Variants in DMD observed in about 807,000 individuals in gnomAD.
The protein encoded by DMD is mutant dystrophin.
Under a neutral mutation model 330.1 loss-of-function variants are expected in DMD, and 63 were observed. The ratio of observed to expected loss-of-function variants is 0.19; its 90% CI spans 0.16 to 0.24. The LOEUF (loss-of-function observed/expected upper bound fraction) is 0.24, where lower values mean the gene tolerates loss of function less well. Among genes scored for constraint, DMD ranks in the 10% least tolerant of loss-of-function variants. The pLI, the probability that DMD is intolerant of heterozygous loss-of-function variation, is 1.00. For synonymous variants in DMD, 1,223 were observed against 959.8 expected, an observed-to-expected ratio of 1.27 and a Z score of -5.07; for missense variants, 3,344 against 2,684.1, an observed-to-expected ratio of 1.25 and a Z score of -5.43.
intron 7 of DMD, among the ~76,000 whole-genome samples, chrX:32,784,726 C>G (rs1159896027): frequency 2.7e-5 from 3 of 111,232 alleles, no homozygotes; most frequent in East Asian, 2.8e-4. Flanking sequence ...ATTTAAAATC[C>G]CATATAAGAA....
intron 54 of DMD, among the ~76,000 whole-genome samples, chrX:31,642,084 G>A (rs2079800753): frequency 1.8e-5 from 2 of 111,467 alleles, no homozygotes; most frequent in Non-Finnish European, 3.8e-5. Context: ...AGTTCTTAAT[G>A]TTGAGAAAAA....
At chrX:31,944,641 T>A (rs1210791951) in intron 45 of DMD, among the ~76,000 whole-genome samples, 1 of 104,427 alleles carries the variant, frequency 9.6e-6, no homozygotes, top group Admixed American at 1.0e-4. Context: ...CCACTCCTGT[T>A]TGTTTGTTTT....
At chrX:31,200,192 A>C (rs1216083680) in intron 67 of DMD, among the ~76,000 whole-genome samples, 1 of 111,535 alleles carries the variant, frequency 9.0e-6, no homozygotes, top group Non-Finnish European at 1.9e-5. Flanking sequence ...ACTTCAAACT[A>C]ATTCCTCTTC....
At chrX:32,648,432 T>G (rs913521722) in intron 9 of DMD, among the ~76,000 whole-genome samples, 2 of 112,055 alleles carry the variant, frequency 1.8e-5, no homozygotes, top group African/African-American at 3.2e-5. Context: ...ATCATGTTAG[T>G]AGGTTATGAC....
chrX:32,193,733 TG>T (rs1476807087), intron 44 of DMD, among the ~76,000 whole-genome samples: 1 of 112,020 alleles, frequency 8.9e-6, no homozygotes, highest in Non-Finnish European at 1.9e-5. Flanking sequence ...TAGTCTGTGA[TG>T]GGGTCTTTAA....
Position 31,301,743 on chromosome X carries a change from CTTTTTTTGTTTGTT to C in DMD, c.9224+21841_9224+21854del, listed in dbSNP as rs762921250. Among the ~76,000 whole-genome samples, 173 of 107,617 alleles carry C rather than the reference CTTTTTTTGTTTGTT, an allele frequency of 1.6e-3. 1 individual carries two copies. The highest frequency in any genetic ancestry group is 2.6e-3 in the Non-Finnish European group (134 of 50,686). The allele number at this position is 107,617 out of a possible 115,157, so 93.5% of individuals were successfully genotyped here. On this transcript the variant is annotated intron_variant, in intron 62 of 78. Coordinates refer to ENST00000357033, the MANE Select transcript of DMD (RefSeq NM_004006.3). ...CATCTATGTGTGGTTTTGTTTTGTT[CTTTTTTTGTTTGTT>C]TTTTTTTGTTTGTTTGTTGTTGTTG... is the stretch of plus-strand genomic sequence containing the variant.
At chrX:32,477,969 T>C (rs1349798608) in intron 21 of DMD, among the ~76,000 whole-genome samples, 1 of 111,914 alleles carries the variant, frequency 8.9e-6, no homozygotes, top group East Asian at 2.8e-4. Context: ...ATTTCCACAT[T>C]TTAAAATTTT....
chrX:32,359,724 C>T (rs1490321298), intron 37 of DMD, among the ~76,000 whole-genome samples: 1 of 111,034 alleles, frequency 9.0e-6, no homozygotes, highest in Non-Finnish European at 1.9e-5. Context: ...ATGAACTAAT[C>T]TAATTTAGAA....
At chrX:32,776,979 AAATG>A (rs1016049606) in intron 7 of DMD, among the ~76,000 whole-genome samples, 1 of 111,141 alleles carries the variant, frequency 9.0e-6, no homozygotes, top group Non-Finnish European at 1.9e-5. Context: ...TGCACTGATA[AAATG>A]AATGAAGCTA....
chrX:33,009,140 A>G (rs1348394327), intron 2 of DMD, among the ~76,000 whole-genome samples: 1 of 34,306 alleles, frequency 2.9e-5, no homozygotes, highest in African/African-American at 1.2e-4. Context: ...ATGTATATAT[A>G]TGTGTATATA....
chrX:32,251,178 G>A (rs1329893109), intron 43 of DMD, among the ~76,000 whole-genome samples: 1 of 109,788 alleles, frequency 9.1e-6, no homozygotes, highest in Non-Finnish European at 1.9e-5. Context: ...ATCCCAGAAC[G>A]TAAAGTATAA....
At chrX:32,499,906 C>T (rs16990415) in intron 19 of DMD, among the ~76,000 whole-genome samples, 2 of 110,619 alleles carry the variant, frequency 1.8e-5, no homozygotes, top group South Asian at 3.8e-4. Flanking sequence ...ACGACAAAAA[C>T]GGAACAAATA....
intron 11 of DMD, among the ~76,000 whole-genome samples, chrX:32,630,984 T>C (rs2058692869): frequency 9.0e-6 from 1 of 111,291 alleles, no homozygotes; most frequent in Non-Finnish European, 1.9e-5. Context: ...GCTTTCCAGG[T>C]ATTTAAAGGT....
chrX:32,687,949 T>C (rs557779980), intron 9 of DMD, among the ~76,000 whole-genome samples: 7 of 111,095 alleles, frequency 6.3e-5, no homozygotes, highest in African/African-American at 2.3e-4. Context: ...AAAGACTTGA[T>C]TTGTAAAAGA....
Position 32,076,599 on chromosome X carries a change from T to C in DMD, c.6439-108085A>G, listed in dbSNP as rs2096353651. Among the ~76,000 whole-genome samples the C allele has an allele frequency of 3.6e-5, 4 of 110,792 alleles. No homozygotes were observed. The Admixed American group carries it at 3.8e-4, about 11-fold the overall frequency. ...TTTCACCGTGTTAGCCAGGATGGTCTCGATCTCTTGACCATGTGATCCGCC... is the reference window on the plus strand; with the variant it reads ...TTTCACCGTGTTAGCCAGGATGGTCCCGATCTCTTGACCATGTGATCCGCC... On this transcript the variant is annotated intron_variant, in intron 44 of 78. Coordinates refer to ENST00000357033, the MANE Select transcript of DMD (RefSeq NM_004006.3).
chrX:31,776,407 C>A (rs1284245690), intron 50 of DMD, among the ~76,000 whole-genome samples: 1 of 104,943 alleles, frequency 9.5e-6, no homozygotes, highest in African/African-American at 3.5e-5. Flanking sequence ...TTTTTTTTTT[C>A]TCCAGACTTA....
chrX:33,053,788 T>A (rs1569551876), intron 1 of DMD, among the ~76,000 whole-genome samples: 1 of 109,748 alleles, frequency 9.1e-6, no homozygotes, highest in South Asian at 4.0e-4. Context: ...TCCAGAAGAA[T>A]AACAGAAGCT....
At chrX:32,566,376 A>G (rs1222388360) in intron 15 of DMD, among the ~76,000 whole-genome samples, 1 of 112,350 alleles carries the variant, frequency 8.9e-6, no homozygotes, top group Admixed American at 9.4e-5. Flanking sequence ...TTATTTGGAT[A>G]AAATTACAAT....
intron 59 of DMD, among the ~76,000 whole-genome samples, chrX:31,451,576 C>T (rs146226232): frequency 3.9e-3 from 431 of 110,465 alleles, no homozygotes; most frequent in African/African-American, 0.013. Context: ...GCCACCGTGC[C>T]GGGCCTGCAG....
Sources: gnomAD v4.1 joint callset for allele counts (sites outside exome capture counted in the v4.1 genomes callset) on GRCh38, gnomAD v4.1.1 for gene constraint, MANE v1.5 for transcripts, NCBI Gene and HGNC (gene_info 2026-07-23, HGNC 2026-07-21) for gene names.